HYAL3: variants seen among roughly 807,000 people sequenced by gnomAD.
The protein encoded by HYAL3 is hyaluronidase 3.
HYAL3 carries 25 observed loss-of-function variants against 29.6 expected under a neutral mutation model. The ratio of observed to expected loss-of-function variants is 0.85; its 90% CI spans 0.62 to 1.18. The LOEUF is 1.18. HYAL3 is among the 50% of genes most tolerant of loss of function. HYAL3 has a pLI of 0.00. For missense variants in HYAL3, 442 were observed against 548.4 expected, an observed-to-expected ratio of 0.81 and a Z score of 1.94; for synonymous variants, 215 against 218.3, an observed-to-expected ratio of 0.99 and a Z score of 0.13.
chr3:50,296,382 C>T lies in HYAL3; in HGVS notation c.-17-763G>A, dbSNP rs1575500067. The stretch of plus-strand genomic sequence containing the variant: ...TGAGAGGTGAGGGTAGGGGGATCAA[C>T]AAATAAACTGTCACAGCCATACCCA... On this transcript the variant is annotated intron_variant, in intron 1 of 3. Transcript: ENST00000336307. 45 of 596,254 alleles carry T rather than the reference C, an allele frequency of 7.5e-5. No individual in the cohort carries two copies. The East Asian group carries it at 1.3e-3, about 17-fold the overall frequency. 36.9% of individuals were successfully genotyped at this position (596,254 alleles called of 1,614,324 possible). A position where few individuals can be genotyped will look rare whatever the true frequency, so the allele number is the denominator to read the frequency against.
chr3:50,295,591 T>C lies in HYAL3; in HGVS notation c.12A>G (p.Gln4=), dbSNP rs1204450005. The change falls in exon 2 of 4, where the codon CAA becomes CAG. Residue 4 remains glutamine, a synonymous_variant. Transcript: ENST00000336307. MTT[Q]LGPALVLGVA... ...CCCCCAGCACCAGGGCTGGGCCCAG[T>C]TGCGTGGTCATTCCCCAAGGATGGA... 2.6e-6 allele frequency: 4 copies of C among 1,546,048 alleles called. No homozygotes were observed. In the East Asian group the frequency reaches 6.8e-5, roughly 26 times the overall value.
rs376027981 is a variant in HYAL3 at position 50,295,021 on chromosome 3, A to C, written c.582T>G (p.His194Gln). 7.4e-6 allele frequency: 12 copies of C among 1,613,412 alleles called. No individual in the cohort carries two copies. In the African/African-American group the frequency reaches 1.6e-4, roughly 21 times the overall value. Residue 194 changes from histidine to glutamine, a missense_variant, in exon 2 of 4, where the codon CAT (histidine) becomes CAG (glutamine). Coordinates refer to ENST00000336307, the MANE Select transcript of HYAL3 (RefSeq NM_003549.4). Reference protein sequence around the residue: ...TLRVAQALRPHGLWGFYHYPA... With the variant: ...TLRVAQALRPQGLWGFYHYPA... ...GGTAGTGATAGAAGCCCCAGAGTCC[A>C]TGGGGCCGTAGTGCCTGGGCCACCC...
chr3:50,293,511 T>A lies in HYAL3; in HGVS notation c.989A>T (p.Glu330Val). 6.2e-7 allele frequency: 1 copy of A among 1,612,332 alleles called. No homozygotes were observed. Among genetic ancestry groups the A allele is most frequent in the Non-Finnish European group, 8.5e-7 (1 of 1,178,714 alleles). ...GDLSLSSSEEECWHLHDYLVD... is the reference protein window; with the variant it reads ...GDLSLSSSEEVCWHLHDYLVD... ...CAGGTAGTCATGGAGATGCCAGCAC[T>A]CCTCCTGAGGAGAAGGGAAGATATG... Residue 330 changes from glutamate (E) to valine (V), a missense_variant, in exon 4 of 4, where the codon GAG becomes GTG. Coordinates refer to ENST00000336307, the MANE Select transcript of HYAL3 (RefSeq NM_003549.4).
chr3:50,292,883 C>T lies in HYAL3; in HGVS notation c.*363G>A, dbSNP rs1553710198. 1 of 1,491,932 alleles carries T rather than the reference C, an allele frequency of 6.7e-7. No homozygotes were observed. Among genetic ancestry groups the T allele is most frequent in the Non-Finnish European group, 9.0e-7 (1 of 1,112,376 alleles). 92.4% of individuals were successfully genotyped at this position (1,491,932 alleles called of 1,614,324 possible). On this transcript the variant is annotated 3_prime_UTR_variant, in exon 4 of 4. Coordinates refer to ENST00000336307, the MANE Select transcript of HYAL3 (RefSeq NM_003549.4). ...AAAGAGTGCAGACAACAGCTTAGCACTTTACCGACCTTCGCCAAGATTTTT... is the reference window on the plus strand; with the variant it reads ...AAAGAGTGCAGACAACAGCTTAGCATTTTACCGACCTTCGCCAAGATTTTT...
Position 50,297,165 on chromosome 3 carries a change from G to A in HYAL3, c.-17-1546C>T. On this transcript the variant is annotated intron_variant, in intron 1 of 3. Transcript: ENST00000336307. The surrounding 1 kb of genome is among the most constrained non-coding windows in gnomAD (Gnocchi z 4.3). The stretch of plus-strand genomic sequence containing the variant: ...TAGCAGCATCAGGCAGAGGGGGAAG[G>A]CATCTGAGGACTGGCCCAGGGAGTG... The A allele has an allele frequency of 6.2e-7, 1 of 1,604,686 alleles. No homozygotes were observed. Among genetic ancestry groups the A allele is most frequent in the Admixed American group, 1.7e-5 (1 of 59,232 alleles).
rs1553710207 is a variant in HYAL3, at chr3:50,292,905, T to A, written c.*341A>T. On this transcript the variant is annotated 3_prime_UTR_variant, in exon 4 of 4. Transcript: ENST00000336307. ...GCACTTTACCGACCTTCGCCAAGAT[T>A]TTTTGGGGCCCATCTGCCCGTGCAC... 1.3e-6 allele frequency: 2 copies of A among 1,495,398 alleles called. No individual in the cohort carries two copies. Among genetic ancestry groups the A allele is most frequent in the Non-Finnish European group, 1.8e-6 (2 of 1,114,504 alleles). The allele number at this position is 1,495,398 out of a possible 1,614,324, so 92.6% of individuals were successfully genotyped here.
rs1701721842 is a variant in HYAL3, at chr3:50,293,196, T to C, written c.*50A>G. The C allele has an allele frequency of 6.2e-7, 1 of 1,611,300 alleles. No homozygotes were observed. The highest frequency in any genetic ancestry group is 1.3e-5 in the African/African-American group (1 of 74,892). On this transcript the variant is annotated 3_prime_UTR_variant, in exon 4 of 4. Coordinates refer to ENST00000336307, the MANE Select transcript of HYAL3 (RefSeq NM_003549.4). ...GAGTGGGACAGAGTAGTTCCAGGACTGGAAAAGTGGCAGCAGGGAAAAGAA... is the reference window on the plus strand; with the variant it reads ...GAGTGGGACAGAGTAGTTCCAGGACCGGAAAAGTGGCAGCAGGGAAAAGAA...
intron 1 of HYAL3, 183 bp downstream of exon 1, chr3:50,299,030 A>C: frequency 6.5e-7 from 1 of 1,531,722 alleles, no homozygotes; most frequent in Non-Finnish European, 8.7e-7. Context: ...CTAGTGGGTC[A>C]CAGGCTGTGG....
At chr3:50,293,594 C>T (rs1553710433) in intron 3 of HYAL3, 38 bp downstream of exon 3, 9 of 1,613,218 alleles carry the variant, frequency 5.6e-6, no homozygotes, top group Non-Finnish European at 7.6e-6. Flanking sequence ...GGGACCCCAG[C>T]ATGTGCTACA....
chr3:50,294,663 G>C, intron 2 of HYAL3, 46 bp downstream of exon 2: 1 of 1,458,926 alleles, frequency 6.9e-7, no homozygotes. Flanking sequence ...CCTAGAACAG[G>C]GCCATACCTC....
intron 2 of HYAL3, among the ~76,000 whole-genome samples, chr3:50,294,223 C>G (rs1297504107): frequency 6.6e-6 from 1 of 152,110 alleles, no homozygotes; most frequent in African/African-American, 2.4e-5. Context: ...ATCACTAGAA[C>G]CAGGAAGTGA....
At chr3:50,298,075 A>G in intron 1 of HYAL3, 1 of 985,528 alleles carries the variant, frequency 1.0e-6, no homozygotes, top group African/African-American at 1.7e-5. Flanking sequence ...TAGTCCTCCT[A>G]GTCCACCACT....
At chr3:50,296,640 C>G in intron 1 of HYAL3, 6 of 1,614,080 alleles carry the variant, frequency 3.7e-6, no homozygotes, top group Non-Finnish European at 5.1e-6. Context: ...GGGGCGCCCC[C>G]TCACATTTTG....
chr3:50,297,339 G>A lies in HYAL3; in HGVS notation c.-17-1720C>T, dbSNP rs377153901. 2 of 1,610,354 alleles carry A rather than the reference G, an allele frequency of 1.2e-6. No individual in the cohort carries two copies. The highest frequency in any genetic ancestry group is 1.7e-6 in the Non-Finnish European group (2 of 1,177,870). On this transcript the variant is annotated intron_variant, in intron 1 of 3. Transcript: ENST00000336307. The surrounding 1 kb of genome is among the most constrained non-coding windows in gnomAD (Gnocchi z 4.3). Reference sequence around the variant, plus strand: ...CTCTGGCTGGTGTTCAGGATCCAGGGTAAGCTCAGTTGGACCAGGATTGAA... The same window carrying A: ...CTCTGGCTGGTGTTCAGGATCCAGGATAAGCTCAGTTGGACCAGGATTGAA...
chr3:50,294,690 G>A lies in HYAL3; in HGVS notation c.894+19C>T. The A allele has an allele frequency of 6.7e-7, 1 of 1,498,340 alleles. No homozygotes were observed. Among genetic ancestry groups the A allele is most frequent in the Non-Finnish European group, 8.9e-7 (1 of 1,122,732 alleles). 92.8% of individuals were successfully genotyped at this position (1,498,340 alleles called of 1,614,324 possible). ...CCATACCTCCTGACTCAGACCCCTA[G>A]ACCTCAGCTTCCACTTACCTGGGAC... On this transcript the variant is annotated intron_variant, in intron 2 of 3. Coordinates refer to ENST00000336307, the MANE Select transcript of HYAL3 (RefSeq NM_003549.4).
At chr3:50,294,679 T>C (rs938195586) in intron 2 of HYAL3, 30 bp downstream of exon 2, 1 of 1,485,562 alleles carries the variant, frequency 6.7e-7, no homozygotes, top group Non-Finnish European at 9.0e-7. Context: ...ACCTCCTGAC[T>C]CAGACCCCTA....
At chr3:50,293,744 C>A (rs782110991) in intron 2 of HYAL3, 23 bp from the exon 3 acceptor site, 10 of 1,609,196 alleles carry the variant, frequency 6.2e-6, no homozygotes, top group Non-Finnish European at 8.5e-6. Flanking sequence ...AGCTGCTAAG[C>A]CAGTGCTGGG....
In HYAL3 at chr3:50,293,031, T is replaced by C; in HGVS notation, c.*215A>G. The C allele has an allele frequency of 6.7e-7, 1 of 1,482,568 alleles. No individual in the cohort carries two copies. The highest frequency in any genetic ancestry group is 1.7e-4 in the Middle Eastern group (1 of 5,812). 91.8% of individuals were successfully genotyped at this position (1,482,568 alleles called of 1,614,324 possible). ...GAACCTGACTCTCCCTGGAACTGCT[T>C]CCTTGCCATGGAGGACTCACATGAT... On this transcript the variant is annotated 3_prime_UTR_variant, in exon 4 of 4. Transcript: ENST00000336307.
Position 50,297,481 on chromosome 3 carries a change from G to C in HYAL3, c.-18+1732C>G. 6.4e-7 allele frequency: 1 copy of C among 1,572,134 alleles called. No individual in the cohort carries two copies. Among genetic ancestry groups the C allele is most frequent in the South Asian group, 1.2e-5 (1 of 85,370 alleles). Reference sequence around the variant, plus strand: ...AGCTCCATCCGGTGTGTAGGGTCTAGTGTAGGGGTCAGCTTGGCTGGGCCA... The same window carrying C: ...AGCTCCATCCGGTGTGTAGGGTCTACTGTAGGGGTCAGCTTGGCTGGGCCA... On this transcript the variant is annotated intron_variant, in intron 1 of 3. Transcript: ENST00000336307. The surrounding 1 kb of genome is among the most constrained non-coding windows in gnomAD (Gnocchi z 4.3).
Sources: allele counts gnomAD v4.1 joint callset (sites outside exome capture counted in the v4.1 genomes callset), GRCh38; gene constraint gnomAD v4.1.1; non-coding constraint Gnocchi (gnomAD v3.1); transcripts MANE v1.5; gene names NCBI Gene and HGNC (gene_info 2026-07-23, HGNC 2026-07-21).